Variants in TGM3 observed in about 807,000 individuals in gnomAD.
The protein encoded by TGM3 is protein-glutamine gamma-glutamyltransferase E.
TGM3 carries 52 observed loss-of-function variants against 73.8 expected under a neutral mutation model. The observed-to-expected ratio is 0.70, with a 90% CI of 0.56 to 0.89. The LOEUF is 0.89. Among genes scored for constraint, TGM3 ranks in the 40% least tolerant of loss-of-function variants. TGM3 has a pLI of 0.00. For missense variants in TGM3, 928 were observed against 909.9 expected, an observed-to-expected ratio of 1.02 and a Z score of -0.26; for synonymous variants, 372 against 354.9, an observed-to-expected ratio of 1.05 and a Z score of -0.54.
At chr20:2,297,907 G>A (rs214766) in intron 1 of TGM3, among the ~76,000 whole-genome samples, 129,956 of 152,130 alleles carry the variant, frequency 0.85, 58,233 homozygotes, top group East Asian at 1. Context: ...TTTTTTAGGT[G>A]AGCAGCATGC....
In TGM3 at chr20:2,336,531, G is replaced by A. The variant is rs1033971323; in HGVS notation, c.1800+1258G>A. ...CCCCTCCTTAAGCTGTAAGCTGGCTGCAGGCGTTCCTGACCTCAGAAAGGG... is the reference window on the plus strand; with the variant it reads ...CCCCTCCTTAAGCTGTAAGCTGGCTACAGGCGTTCCTGACCTCAGAAAGGG... On this transcript the variant is annotated intron_variant, in intron 11 of 12. Coordinates refer to ENST00000381458, the MANE Select transcript of TGM3 (RefSeq NM_003245.4). 1.9e-4 allele frequency among the ~76,000 whole-genome samples: 29 copies of A among 150,930 alleles called. 1 individual carries two copies. Among genetic ancestry groups the A allele is most frequent in the Admixed American group, 1.8e-3 (27 of 15,108 alleles).
intron 1 of TGM3, among the ~76,000 whole-genome samples, chr20:2,298,652 G>A (rs375571356): frequency 9.2e-5 from 14 of 152,174 alleles, no homozygotes; most frequent in East Asian, 3.9e-4. Flanking sequence ...CCACCAAACC[G>A]TTCTCCTTGG....
intron 10 of TGM3, among the ~76,000 whole-genome samples, chr20:2,333,735 T>A (rs2084332867): frequency 6.6e-6 from 1 of 151,258 alleles, no homozygotes; most frequent in South Asian, 2.1e-4. Flanking sequence ...ATTCACAGGA[T>A]GGAAATAGTT....
intron 1 of TGM3, among the ~76,000 whole-genome samples, chr20:2,298,679 G>T (rs1395318967): frequency 2.6e-5 from 4 of 152,152 alleles, no homozygotes; most frequent in Non-Finnish European, 5.9e-5. Context: ...GACACCAGTC[G>T]CCCCTCCTCC....
chr20:2,320,412 A>G (rs2084256325), intron 7 of TGM3, among the ~76,000 whole-genome samples: 1 of 152,224 alleles, frequency 6.6e-6, no homozygotes, highest in African/African-American at 2.4e-5. Flanking sequence ...TGGATGAGAA[A>G]ACAAAGGCCC....
intron 1 of TGM3, among the ~76,000 whole-genome samples, chr20:2,297,661 G>A (rs949894844): frequency 1.3e-5 from 2 of 152,182 alleles, no homozygotes; most frequent in Non-Finnish European, 2.9e-5. Context: ...TGAAAAGGTG[G>A]TGGAGAGACA....
At chr20:2,309,557 C>A (rs1293398576) in intron 1 of TGM3, 100 bp from the exon 2 acceptor site, 17 of 1,280,088 alleles carry the variant, frequency 1.3e-5, no homozygotes, top group Non-Finnish European at 1.8e-5. Flanking sequence ...CTGCCCTTGA[C>A]AAGCCTCACC....
At chr20:2,324,274 G>A (rs1004594335) in intron 7 of TGM3, among the ~76,000 whole-genome samples, 8 of 151,614 alleles carry the variant, frequency 5.3e-5, no homozygotes, top group Non-Finnish European at 2.9e-5. Context: ...CATTAGTTAT[G>A]AGCATATTTT....
At chr20:2,330,812 C>T (rs2084316529) in intron 9 of TGM3, among the ~76,000 whole-genome samples, 1 of 151,938 alleles carries the variant, frequency 6.6e-6, no homozygotes, top group Admixed American at 6.6e-5. Flanking sequence ...TTGAGACCAG[C>T]CTGGCCAACA....
intron 1 of TGM3, among the ~76,000 whole-genome samples, chr20:2,303,273 C>A (rs948421037): frequency 2.6e-5 from 4 of 151,728 alleles, no homozygotes; most frequent in African/African-American, 9.7e-5. Flanking sequence ...TGCACTCCAG[C>A]CTGGGCGACA....
rs45515000 is a variant in TGM3 at position 2,334,365 on chromosome 20, CAGA to C, written c.1643-744_1643-742del. On this transcript the variant is annotated intron_variant, in intron 10 of 12. Transcript: ENST00000381458. This position sits in a 1 kb window ranked among gnomAD's most constrained non-coding sequence, Gnocchi z 4.0. The stretch of plus-strand genomic sequence containing the variant: ...AAGATTTTTGAAGTCACATGTGACA[CAGA>C]AGAAGAGTGATTTAGAAAACAAAAC... Among the ~76,000 whole-genome samples, 1 of 152,228 alleles carries C rather than the reference CAGA, an allele frequency of 6.6e-6. No individual in the cohort carries two copies. Among genetic ancestry groups the C allele is most frequent in the East Asian group, 1.9e-4 (1 of 5,184 alleles).
intron 4 of TGM3, among the ~76,000 whole-genome samples, chr20:2,311,692 T>A (rs932840437): frequency 1.3e-5 from 2 of 151,940 alleles, no homozygotes; most frequent in Non-Finnish European, 1.5e-5. Context: ...TCGGGCGGGG[T>A]GCCTTGGATA....
chr20:2,340,055 T>TG, intron 12 of TGM3, 68 bp downstream of exon 12: 1 of 1,478,528 alleles, frequency 6.8e-7, no homozygotes, highest in Non-Finnish European at 9.2e-7. Context: ...CCAGATCCCC[T>TG]GGGTGGGACA....
intron 3 of TGM3, 76 bp from the exon 4 acceptor site, chr20:2,310,935 T>A (rs1029362853): frequency 3.7e-6 from 5 of 1,334,472 alleles, no homozygotes; most frequent in Non-Finnish European, 5.4e-6. Flanking sequence ...GGTTCAGGAG[T>A]GGGAGGAGAG....
rs947214981 is a variant in TGM3, at chr20:2,340,654, C to T, written c.*73C>T. Reference sequence around the variant, plus strand: ...AGAGCTCACCATGGAATGAACCCCCCGCCCATGCTGTCCGGCCTGGGAAAC... The same window carrying T: ...AGAGCTCACCATGGAATGAACCCCCTGCCCATGCTGTCCGGCCTGGGAAAC... On this transcript the variant is annotated 3_prime_UTR_variant, in exon 13 of 13. Transcript: ENST00000381458. The T allele has an allele frequency of 1.8e-5, 28 of 1,593,284 alleles. No homozygotes were observed. The African/African-American group carries it at 3.0e-4, about 17-fold the overall frequency.
chr20:2,303,343 T>C (rs1216408002), intron 1 of TGM3, among the ~76,000 whole-genome samples: 3 of 151,496 alleles, frequency 2.0e-5, no homozygotes, highest in African/African-American at 4.9e-5. Flanking sequence ...ATGCCCAGAA[T>C]AGGCAAATCC....
chr20:2,301,004 T>G lies in TGM3; in HGVS notation c.7+4934T>G, dbSNP rs564836409. Among the ~76,000 whole-genome samples the G allele has an allele frequency of 3.3e-5, 5 of 152,182 alleles. No homozygotes were observed. In the South Asian group the frequency reaches 1.0e-3, roughly 32 times the overall value. ...TGAGAAAAGTACAATTCAGAGACATTGAGACCCTTGCTCAGGGCCTCTCAC... is the reference window on the plus strand; with the variant it reads ...TGAGAAAAGTACAATTCAGAGACATGGAGACCCTTGCTCAGGGCCTCTCAC... On this transcript the variant is annotated intron_variant, in intron 1 of 12. Transcript: ENST00000381458.
At chr20:2,309,863 A>G in intron 2 of TGM3, 33 bp downstream of exon 2, 1 of 1,612,918 alleles carries the variant, frequency 6.2e-7, no homozygotes, top group South Asian at 1.1e-5. Context: ...GCCCAAACAC[A>G]CACATACTTG....
At chr20:2,326,810 T>C (rs6048182) in intron 8 of TGM3, among the ~76,000 whole-genome samples, 22,571 of 151,896 alleles carry the variant, frequency 0.15, 3,920 homozygotes, top group African/African-American at 0.42. Context: ...GATCATGCCG[T>C]GGCACTCCGG....
Sources: allele counts gnomAD v4.1 joint callset (sites outside exome capture counted in the v4.1 genomes callset), GRCh38; gene constraint gnomAD v4.1.1; non-coding constraint Gnocchi (gnomAD v3.1); transcripts MANE v1.5; gene names NCBI Gene and HGNC (gene_info 2026-07-23, HGNC 2026-07-21).